ANK1: variants seen among roughly 807,000 people sequenced by gnomAD.
The protein encoded by ANK1 is ankyrin 1, also known as ankyrin-1.
Under a neutral mutation model 210.4 loss-of-function variants are expected in ANK1, and 51 were observed. The observed-to-expected ratio is 0.24, with a 90% confidence interval of 0.19 to 0.31. The LOEUF is 0.31. Ranked by LOEUF, ANK1 falls within the 10% of genes least tolerant of loss-of-function variation. ANK1 has a pLI of 1.00. For missense variants in ANK1, 2,051 were observed against 2,504.4 expected, an observed-to-expected ratio of 0.82 and a Z score of 3.86; for synonymous variants, 967 against 1,025.9, an observed-to-expected ratio of 0.94 and a Z score of 1.10.
At chr8:41,678,328 G>A (rs1311584934) in intron 37 of ANK1, among the ~76,000 whole-genome samples, 1 of 152,008 alleles carries the variant, frequency 6.6e-6, no homozygotes, top group Non-Finnish European at 1.5e-5. Flanking sequence ...TTTTAGTGGA[G>A]ACAGGGTTTC....
At chr8:41,871,895 C>T (rs1481414672) in intron 1 of ANK1, among the ~76,000 whole-genome samples, 1 of 152,200 alleles carries the variant, frequency 6.6e-6, no homozygotes, top group African/African-American at 2.4e-5. Flanking sequence ...CCAGCACAAG[C>T]AGACCTGAAA....
intron 1 of ANK1, among the ~76,000 whole-genome samples, chr8:41,821,463 G>T (rs1201480213): frequency 1.3e-5 from 2 of 151,966 alleles, no homozygotes; most frequent in African/African-American, 4.8e-5. Flanking sequence ...ATCACTAGAT[G>T]TCATTCAACC....
At chr8:41,853,760 T>A (rs895106407) in intron 1 of ANK1, among the ~76,000 whole-genome samples, 17 of 152,242 alleles carry the variant, frequency 1.1e-4, no homozygotes, top group African/African-American at 2.2e-4. Flanking sequence ...TTTTTAAATT[T>A]AATTTAATTT....
At chr8:41,778,500 G>A (rs573124949) in intron 1 of ANK1, among the ~76,000 whole-genome samples, 1 of 152,164 alleles carries the variant, frequency 6.6e-6, no homozygotes, top group Non-Finnish European at 1.5e-5. Flanking sequence ...TTCAAAGGCC[G>A]CTGTGTTCCA....
chr8:41,659,978 C>T (rs548779759), intron 42 of ANK1, among the ~76,000 whole-genome samples: 1 of 152,244 alleles, frequency 6.6e-6, no homozygotes, highest in African/African-American at 2.4e-5. Flanking sequence ...AAATTTAAAG[C>T]CACAGCCGCC....
At chr8:41,866,795 A>G (rs1814548726) in intron 1 of ANK1, among the ~76,000 whole-genome samples, 1 of 152,192 alleles carries the variant, frequency 6.6e-6, no homozygotes, top group Non-Finnish European at 1.5e-5. Flanking sequence ...CCTTCCTGCT[A>G]TTTAAGGCTG....
At chr8:41,838,767 A>AAAAAATAATAAT (rs374459221) in intron 1 of ANK1, among the ~76,000 whole-genome samples, 1 of 140,512 alleles carries the variant, frequency 7.1e-6, no homozygotes, top group Admixed American at 7.1e-5. Flanking sequence ...TCCGTCTCAA[A>AAAAAATAATAAT]AATAATAATA....
At chr8:41,658,919 TAAATAAATAAATA>T (rs1473291228) in intron 42 of ANK1, among the ~76,000 whole-genome samples, 5 of 151,224 alleles carry the variant, frequency 3.3e-5, no homozygotes, top group Admixed American at 2.0e-4. Context: ...AATAAATAAA[TAAATAAATAAATA>T]AATAGTCGCT....
intron 13 of ANK1, among the ~76,000 whole-genome samples, chr8:41,716,354 C>T (rs1827667756): frequency 6.6e-6 from 1 of 151,906 alleles, no homozygotes; most frequent in Admixed American, 6.6e-5. Context: ...TCCACCCACA[C>T]CCCCCCACTT....
At chr8:41,790,544 C>T (rs1233766682) in intron 1 of ANK1, among the ~76,000 whole-genome samples, 1 of 152,038 alleles carries the variant, frequency 6.6e-6, no homozygotes, top group African/African-American at 2.4e-5. Context: ...TGCACCAACA[C>T]CTCTGCACCT....
intron 8 of ANK1, 50 bp from the exon 9 acceptor site, chr8:41,723,273 G>T (rs1199700716): frequency 2.5e-6 from 4 of 1,587,480 alleles, no homozygotes; most frequent in Non-Finnish European, 3.5e-6. Context: ...AGCTATCAGA[G>T]GCCATTTGGA....
chr8:41,815,529 T>C lies in ANK1; in HGVS notation c.127-57392A>G, dbSNP rs193267539. On this transcript the variant is annotated intron_variant, in intron 1 of 42. Transcript: ENST00000265709. ...TGTCCATTCAGTTTTCCCCCATCTTTCCTTCTTTCATTTTGAAACAACCTT... is the reference window on the plus strand; with the variant it reads ...TGTCCATTCAGTTTTCCCCCATCTTCCCTTCTTTCATTTTGAAACAACCTT... Among the ~76,000 whole-genome samples, 4 of 152,232 alleles carry C rather than the reference T, an allele frequency of 2.6e-5. No homozygotes were observed. In the East Asian group the frequency reaches 7.7e-4, roughly 29 times the overall value.
chr8:41,830,460 C>T (rs1334211209), intron 1 of ANK1, among the ~76,000 whole-genome samples: 1 of 151,890 alleles, frequency 6.6e-6, no homozygotes, highest in Admixed American at 6.6e-5. Context: ...TGATAAAATC[C>T]CGTCAACTTG....
intron 1 of ANK1, among the ~76,000 whole-genome samples, chr8:41,840,701 G>A (rs1808731051): frequency 1.3e-5 from 2 of 152,162 alleles, no homozygotes; most frequent in Admixed American, 6.5e-5. Context: ...ACCTCCCAAA[G>A]GTGGGGTCTC....
intron 2 of ANK1, 76 bp from the exon 3 acceptor site, chr8:41,734,145 C>G: frequency 7.8e-7 from 1 of 1,280,772 alleles, no homozygotes; most frequent in Non-Finnish European, 1.1e-6. Flanking sequence ...GGGGCCCAGG[C>G]CCCTTCCCAG....
rs143585080 is a variant in ANK1 at position 41,696,578 on chromosome 8, C to T, written c.2745G>A (p.Val915=). Residue 915 remains valine, a synonymous_variant, in exon 26 of 43, where the codon GTG becomes GTA. Transcript: ENST00000289734. ...VASPVHTGFL[V]SFMVDARGGS... ...CACCCCGGGCGTCAACCATGAAGCT[C>T]ACCAGAAACCTAGGAGTGGGGCAGA... 2.4e-4 allele frequency: 382 copies of T among 1,613,968 alleles called. 1 individual carries two copies. The African/African-American group carries it at 4.7e-3, about 20-fold the overall frequency.
chr8:41,820,159 G>T (rs1226669820), intron 1 of ANK1, among the ~76,000 whole-genome samples: 5 of 143,314 alleles, frequency 3.5e-5, no homozygotes, highest in African/African-American at 7.7e-5. Flanking sequence ...TTTAAATTTA[G>T]ATCTCACCTT....
At chr8:41,734,218 C>A in intron 2 of ANK1, 149 bp from the exon 3 acceptor site, 1 of 738,068 alleles carries the variant, frequency 1.4e-6, no homozygotes, top group Non-Finnish European at 2.4e-6. Context: ...GGAAGGGGCA[C>A]AGGGCAGGGC....
rs71239074 is a variant in ANK1, at chr8:41,693,417, CTTTTTTTTTTTTTTTTTTTTTTTTT to C, written c.3533-241_3533-217del. Among the ~76,000 whole-genome samples, 4 of 45,234 alleles carry C rather than the reference CTTTTTTTTTTTTTTTTTTTTTTTTT, an allele frequency of 8.8e-5. No homozygotes were observed. The East Asian group carries it at 3.4e-3, about 39-fold the overall frequency. 29.7% of individuals were successfully genotyped at this position (45,234 alleles called of 152,430 possible). Reference sequence around the variant, plus strand: ...GAGAGTTCTTCCCCAGGGGCATGGACTTTTTTTTTTTTTTTTTTTTTTTTTTTTTTTTTTTTTGAGATGGCGTTTC... The same window carrying C: ...GAGAGTTCTTCCCCAGGGGCATGGACTTTTTTTTTTTTGAGATGGCGTTTC... On this transcript the variant is annotated intron_variant, in intron 29 of 42. Coordinates refer to ENST00000289734, the MANE Select transcript of ANK1 (RefSeq NM_000037.4).
Sources: allele counts gnomAD v4.1 joint callset (sites outside exome capture counted in the v4.1 genomes callset), GRCh38; gene constraint gnomAD v4.1.1; transcripts MANE v1.5; gene names NCBI Gene and HGNC (gene_info 2026-07-23, HGNC 2026-07-21).